Variants in SIX4 observed in about 807,000 individuals in gnomAD.
SIX4 encodes SIX homeobox 4.
A neutral mutation model predicts 51.5 loss-of-function variants in SIX4; 23 were observed. That is an observed-to-expected ratio of 0.45 (90% CI 0.32 to 0.63). SIX4 has a LOEUF of 0.63. SIX4 is among the 30% of genes least tolerant of loss of function. The pLI, the probability that SIX4 is intolerant of heterozygous loss-of-function variation, is 0.04. For missense variants in SIX4, 867 were observed against 984.0 expected (o/e 0.88, Z 1.59); for synonymous variants, 413 against 417.3 (o/e 0.99, Z 0.13).
In SIX4 at chr14:60,719,870, T is replaced by C. The variant is rs1170046761; in HGVS notation, c.1439A>G (p.Gln480Arg). The change falls in exon 2 of 3, where the codon CAG becomes CGG. Residue 480 changes from glutamine to arginine, a missense_variant. Transcript: ENST00000216513. The surrounding 1 kb of genome is among the most constrained non-coding windows in gnomAD (Gnocchi z 4.9). Reference protein sequence around the residue: ...VTFTTPVQINQYGIVQIPNSG... With the variant: ...VTFTTPVQINRYGIVQIPNSG... ...ATTGGGGATCTGGACAATGCCATAC[T>C]GGTTAATTTGCACTGGTGTAGTAAA... 6.2e-7 allele frequency: 1 copy of C among 1,614,202 alleles called. No individual in the cohort carries two copies. The highest frequency in any genetic ancestry group is 8.5e-7 in the Non-Finnish European group (1 of 1,180,040).
chr14:60,709,806 G>A lies in SIX4; in HGVS notation c.*3601C>T, dbSNP rs1011421123. ...AGAGTTTCTCTTTGTGTAAGGCACA[G>A]TAAAACCATATTGAGTATATAATTG... On this transcript the variant is annotated 3_prime_UTR_variant, in exon 3 of 3. Coordinates refer to ENST00000216513, the MANE Select transcript of SIX4 (RefSeq NM_017420.5). The surrounding 1 kb of genome is among the most constrained non-coding windows in gnomAD (Gnocchi z 4.1). The A allele has an allele frequency of 3.3e-5, 5 of 152,600 alleles. No homozygotes were observed. Among genetic ancestry groups the A allele is most frequent in the African/African-American group, 1.2e-4 (5 of 41,438 alleles). 9.5% of individuals were successfully genotyped at this position (152,600 alleles called of 1,614,324 possible). A position where few individuals can be genotyped will look rare whatever the true frequency, so the allele number is the denominator to read the frequency against.
Position 60,721,153 on chromosome 14 carries a change from G to A in SIX4, c.864-708C>T, listed in dbSNP as rs934420977. ...AAACACCATCCAGTGCCCTGGTGAGGTGGGAGGGAAAGGGTGTCACTCAGA... is the reference window on the plus strand; with the variant it reads ...AAACACCATCCAGTGCCCTGGTGAGATGGGAGGGAAAGGGTGTCACTCAGA... On this transcript the variant is annotated intron_variant, in intron 1 of 2. Coordinates refer to ENST00000216513, the MANE Select transcript of SIX4 (RefSeq NM_017420.5). The A allele has an allele frequency of 7.1e-6, 7 of 985,516 alleles. No homozygotes were observed. The African/African-American group carries it at 8.7e-5, about 12-fold the overall frequency. 61.0% of individuals were successfully genotyped at this position (985,516 alleles called of 1,614,324 possible).
Position 60,724,222 on chromosome 14 carries a change from G to A in SIX4, c.-148C>T, listed in dbSNP as rs759558105. On this transcript the variant is annotated 5_prime_UTR_variant, in exon 1 of 3. The change creates a premature stop within an existing upstream ORF in the 5' untranslated region. Transcript: ENST00000216513. Reference sequence around the variant, plus strand: ...CTCCCTCCTGGTTTCGGCTGTATCTGGCCGATCAGGTTTCCCCCCGGCCAC... The same window carrying A: ...CTCCCTCCTGGTTTCGGCTGTATCTAGCCGATCAGGTTTCCCCCCGGCCAC... 6.5e-7 allele frequency: 1 copy of A among 1,547,614 alleles called. No individual in the cohort carries two copies. Among genetic ancestry groups the A allele is most frequent in the Non-Finnish European group, 8.7e-7 (1 of 1,153,310 alleles).
At position 60,723,061 on chromosome 14, in the gene SIX4, C is replaced by G. The variant is rs760945747; in HGVS notation, c.863+151G>C. Reference sequence around the variant, plus strand: ...TCCGCCGCCCCCTACCTCTGCCGGCCGGGGAGCGAGGTAGGGGGCGGGGAG... The same window carrying G: ...TCCGCCGCCCCCTACCTCTGCCGGCGGGGGAGCGAGGTAGGGGGCGGGGAG... On this transcript the variant is annotated intron_variant, in intron 1 of 2. Transcript: ENST00000216513. 2,328 of 1,407,170 alleles carry G rather than the reference C, an allele frequency of 1.7e-3. 2 individuals carry two copies. The highest frequency in any genetic ancestry group is 1.9e-3 in the Non-Finnish European group (2,041 of 1,088,794). 87.2% of individuals were successfully genotyped at this position (1,407,170 alleles called of 1,614,324 possible).
intron 2 of SIX4, among the ~76,000 whole-genome samples, chr14:60,714,753 C>T (rs377603385): frequency 2.6e-5 from 4 of 151,254 alleles, no homozygotes; most frequent in African/African-American, 9.7e-5. Flanking sequence ...GCAACCTCTG[C>T]CTCCTGGGTT....
rs957369529 is a variant in SIX4, at chr14:60,722,550, C to A, written c.863+662G>T. On this transcript the variant is annotated intron_variant, in intron 1 of 2. Coordinates refer to ENST00000216513, the MANE Select transcript of SIX4 (RefSeq NM_017420.5). The surrounding 1 kb of genome is among the most constrained non-coding windows in gnomAD (Gnocchi z 5.9). ...ACAGAGCCGAGCTGCACCAGCACCC[C>A]ACGTTGCCGCGGCCGCTAAGGGAAC... Among the ~76,000 whole-genome samples the A allele has an allele frequency of 6.6e-6, 1 of 152,202 alleles. No homozygotes were observed. The highest frequency in any genetic ancestry group is 1.5e-5 in the Non-Finnish European group (1 of 68,038).
In SIX4 at chr14:60,720,877, A is replaced by C. The variant is rs1896007782; in HGVS notation, c.864-432T>G. On this transcript the variant is annotated intron_variant, in intron 1 of 2. Transcript: ENST00000216513. This position sits in a 1 kb window ranked among gnomAD's most constrained non-coding sequence, Gnocchi z 5.5. ...CCCTCCCCTCAAACCAATTCAGATTAGTGTTATCTTGGAGGTAAATGAAGC... is the reference window on the plus strand; with the variant it reads ...CCCTCCCCTCAAACCAATTCAGATTCGTGTTATCTTGGAGGTAAATGAAGC... 2.5e-6 allele frequency: 2 copies of C among 794,962 alleles called. No individual in the cohort carries two copies. The highest frequency in any genetic ancestry group is 5.6e-5 in the South Asian group (1 of 17,832). The allele number at this position is 794,962 out of a possible 1,614,324, so 49.2% of individuals were successfully genotyped here.
At position 60,724,331 on chromosome 14, in the gene SIX4, G is replaced by T; in HGVS notation, c.-257C>A. 6.8e-7 allele frequency: 1 copy of T among 1,476,554 alleles called. No individual in the cohort carries two copies. The highest frequency in any genetic ancestry group is 9.0e-7 in the Non-Finnish European group (1 of 1,108,618). The allele number at this position is 1,476,554 out of a possible 1,614,324, so 91.5% of individuals were successfully genotyped here. A position where few individuals can be genotyped will look rare whatever the true frequency, so the allele number is the denominator to read the frequency against. On this transcript the variant is annotated 5_prime_UTR_variant, in exon 1 of 3. Transcript: ENST00000216513. The stretch of plus-strand genomic sequence containing the variant: ...GCCGTTCCCCCAACGTGACTCCTCC[G>T]GTTGCTGCATACTATATGGCAGTGG...
intron 1 of SIX4, chr14:60,721,254 T>A: frequency 1.6e-6 from 1 of 626,402 alleles, no homozygotes; most frequent in Non-Finnish European, 2.0e-6. Context: ...TCCTCAGCTC[T>A]CTGACTTGGG....
At position 60,723,729 on chromosome 14, in the gene SIX4, C is replaced by G. The variant is rs1350470296; in HGVS notation, c.346G>C (p.Val116Leu). The change falls in exon 1 of 3, where the codon GTG becomes CTG. Residue 116 changes from valine (V) to leucine (L), a missense_variant. By Grantham distance (32) the Val-to-Leu change is conservative (BLOSUM62 1). Coordinates refer to ENST00000216513, the MANE Select transcript of SIX4 (RefSeq NM_017420.5). ...LAFSPDHVAC[V>L]CEALQQGGNL... ...CCCCCCTGCTGCAGTGCCTCGCACA[C>G]GCAGGCGACGTGGTCGGGCGAGAAG... The G allele has an allele frequency of 6.5e-7, 1 of 1,547,052 alleles. No homozygotes were observed. Among genetic ancestry groups the G allele is most frequent in the African/African-American group, 1.4e-5 (1 of 73,212 alleles).
chr14:60,718,505 C>A (rs1895960909), intron 2 of SIX4, among the ~76,000 whole-genome samples: 1 of 152,084 alleles, frequency 6.6e-6, no homozygotes, highest in African/African-American at 2.4e-5. Flanking sequence ...TAAAATGTGA[C>A]CTGTTTGGAA....
rs1157158089 is a variant in SIX4 at position 60,711,180 on chromosome 14, A to C, written c.*2227T>G. 6.6e-6 allele frequency: 1 copy of C among 152,542 alleles called. No homozygotes were observed. Among genetic ancestry groups the C allele is most frequent in the Non-Finnish European group, 1.5e-5 (1 of 68,018 alleles). 9.4% of individuals were successfully genotyped at this position (152,542 alleles called of 1,614,324 possible). On this transcript the variant is annotated 3_prime_UTR_variant, in exon 3 of 3. Coordinates refer to ENST00000216513, the MANE Select transcript of SIX4 (RefSeq NM_017420.5). Reference sequence around the variant, plus strand: ...AATTAATCTCAGTAACAGGATCAGCACACACCCAAAGAAAAAACAAGCTCT... The same window carrying C: ...AATTAATCTCAGTAACAGGATCAGCCCACACCCAAAGAAAAAACAAGCTCT...
At chr14:60,715,578 G>C (rs979190176) in intron 2 of SIX4, among the ~76,000 whole-genome samples, 1 of 152,068 alleles carries the variant, frequency 6.6e-6, no homozygotes, top group Admixed American at 6.6e-5. Context: ...TTCTCTAAAA[G>C]GTTTGTATCT....
In SIX4 at chr14:60,710,987, G is replaced by A. The variant is rs901327596; in HGVS notation, c.*2420C>T. On this transcript the variant is annotated 3_prime_UTR_variant, in exon 3 of 3. Transcript: ENST00000216513. ...TAAAAGAGAGGCTTATTGTATTTTC[G>A]GAAAACATATAAAACATTTCCAGTT... 31 of 138,530 alleles carry A rather than the reference G, an allele frequency of 2.2e-4. No homozygotes were observed. Among genetic ancestry groups the A allele is most frequent in the African/African-American group, 6.0e-4 (23 of 38,274 alleles). The allele number at this position is 138,530 out of a possible 1,614,324, so 8.6% of individuals were successfully genotyped here.
chr14:60,716,252 A>T (rs943945245), intron 2 of SIX4, among the ~76,000 whole-genome samples: 10 of 150,414 alleles, frequency 6.6e-5, no homozygotes, highest in Non-Finnish European at 3.0e-5. Context: ...CAGCTAATTT[A>T]AAAAAAAAAT....
chr14:60,714,477 T>A (rs1895882659), intron 2 of SIX4, among the ~76,000 whole-genome samples: 1 of 152,094 alleles, frequency 6.6e-6, no homozygotes, highest in Non-Finnish European at 1.5e-5. Flanking sequence ...TGGAGACATC[T>A]TTTATGTTTA....
intron 2 of SIX4, among the ~76,000 whole-genome samples, chr14:60,714,621 C>T (rs1458735408): frequency 1.3e-5 from 2 of 151,808 alleles, no homozygotes; most frequent in Non-Finnish European, 2.9e-5. Flanking sequence ...CTCATGACCT[C>T]GAACGGTCTT....
chr14:60,713,662 AC>A lies in SIX4; in HGVS notation c.2090del (p.Gly697ValfsTer22). ...CCTGATGTACTGCTGGGGAGGGGTG[AC>A]CTACCTGATCTTCAGCTGTAGGAAC... Reference protein sequence around the residue: ...EIVPTAEDQVGHPSPAVHQDF... With the variant: ...EIVPTAEDQVXHPSPAVHQDF... On this transcript the variant is annotated frameshift_variant, in exon 3 of 3. Coordinates refer to ENST00000216513, the MANE Select transcript of SIX4 (RefSeq NM_017420.5). LOFTEE classifies it high-confidence loss of function. 2 of 1,614,182 alleles carry A rather than the reference AC, an allele frequency of 1.2e-6. No homozygotes were observed. Among genetic ancestry groups the A allele is most frequent in the South Asian group, 2.2e-5 (2 of 91,074 alleles).
intron 2 of SIX4, among the ~76,000 whole-genome samples, chr14:60,716,473 A>C (rs1895923697): frequency 6.6e-6 from 1 of 151,768 alleles, no homozygotes; most frequent in Non-Finnish European, 1.5e-5. Context: ...GGCTGGTCTC[A>C]AACTCTTGAC....
Sources: gnomAD v4.1 joint callset for allele counts (sites outside exome capture counted in the v4.1 genomes callset) on GRCh38, gnomAD v4.1.1 for gene constraint, Gnocchi (gnomAD v3.1) non-coding constraint, MANE v1.5 for transcripts, NCBI Gene and HGNC (gene_info 2026-07-23, HGNC 2026-07-21) for gene names.